The following PHF21A variants were observed in gnomAD, a reference collection of about 807,000 sequenced individuals.
PHF21A encodes the protein PHD finger protein 21A.
In PHF21A, 11 loss-of-function variants were observed where a neutral mutation model predicts 82.5. The observed-to-expected ratio is 0.13, with a 90% CI of 0.08 to 0.22. The LOEUF (loss-of-function observed/expected upper bound fraction) is 0.22, where lower values mean the gene tolerates loss of function less well. Ranked by LOEUF, PHF21A falls within the 10% of genes least tolerant of loss-of-function variation. PHF21A has a pLI of 1.00. For missense variants in PHF21A, 579 were observed against 837.8 expected (o/e 0.69, Z 3.81); for synonymous variants, 297 against 302.8 (o/e 0.98, Z 0.20).
intron 6 of PHF21A, among the ~76,000 whole-genome samples, chr11:46,054,828 AC>A (rs2096427519): frequency 6.6e-6 from 1 of 152,010 alleles, no homozygotes; most frequent in Admixed American, 6.6e-5. Context: ...TTGAAAGATT[AC>A]CTTTTCAGCT....
chr11:46,014,383 GCAC>G (rs2095472690), intron 6 of PHF21A, among the ~76,000 whole-genome samples: 1 of 152,146 alleles, frequency 6.6e-6, no homozygotes, highest in East Asian at 1.9e-4. Flanking sequence ...CAGTGTATAT[GCAC>G]CACATTTTCT....
intron 6 of PHF21A, among the ~76,000 whole-genome samples, chr11:46,059,614 G>A (rs1337856236): frequency 6.6e-6 from 1 of 151,882 alleles, no homozygotes; most frequent in Non-Finnish European, 1.5e-5. Flanking sequence ...GTGTAGAGGT[G>A]GGATGTTGCC....
At chr11:46,071,160 T>C (rs769046406) in intron 6 of PHF21A, among the ~76,000 whole-genome samples, 3 of 152,262 alleles carry the variant, frequency 2.0e-5, no homozygotes, top group Non-Finnish European at 2.9e-5. Flanking sequence ...TTCTTTTGGC[T>C]AATGAGATGT....
chr11:45,965,368 T>C lies in PHF21A; in HGVS notation c.943A>G (p.Arg315Gly), dbSNP rs1405049225. 1.9e-6 allele frequency: 3 copies of C among 1,613,986 alleles called. No individual in the cohort carries two copies. Among genetic ancestry groups the C allele is most frequent in the Non-Finnish European group, 2.5e-6 (3 of 1,180,000 alleles). The change falls in exon 10 of 19, where the codon AGA becomes GGA. Residue 315 changes from arginine (R) to glycine (G), a missense_variant. Physicochemically the swap from Arg to Gly is moderately radical, Grantham distance 125. Coordinates refer to ENST00000676320, the MANE Select transcript of PHF21A (RefSeq NM_001352027.3). Reference sequence around the variant, plus strand: ...TGTACAGTTTGAGGTCCAGCGAGTCTGGTCCCTGGAGTAGCTATCACAATG... The same window carrying C: ...TGTACAGTTTGAGGTCCAGCGAGTCCGGTCCCTGGAGTAGCTATCACAATG... ...TSIVIATPGT[R>G]LAGPQTVQLS...
At chr11:45,965,269 C>G (rs902321677) in intron 10 of PHF21A, 46 bp downstream of exon 10, 21 of 1,559,682 alleles carry the variant, frequency 1.3e-5, no homozygotes, top group Non-Finnish European at 1.7e-5. Flanking sequence ...CCATATGCCT[C>G]AACGACAAGG....
At chr11:46,011,281 G>C (rs2095409201) in intron 6 of PHF21A, among the ~76,000 whole-genome samples, 1 of 152,180 alleles carries the variant, frequency 6.6e-6, no homozygotes, top group African/African-American at 2.4e-5. Flanking sequence ...CTGAGGTCAG[G>C]AGTTCAAGGC....
intron 6 of PHF21A, among the ~76,000 whole-genome samples, chr11:46,051,811 G>C (rs1010578645): frequency 6.6e-6 from 1 of 152,158 alleles, no homozygotes; most frequent in Admixed American, 6.5e-5. Flanking sequence ...AAAGGTGATG[G>C]GGGTGGGGAA....
At chr11:46,048,719 A>C (rs1186438622) in intron 6 of PHF21A, among the ~76,000 whole-genome samples, 1 of 152,128 alleles carries the variant, frequency 6.6e-6, no homozygotes, top group Non-Finnish European at 1.5e-5. Context: ...GCAGGGAGTC[A>C]AGATGGCGCC....
At chr11:45,981,472 G>A (rs1267309452) in intron 6 of PHF21A, among the ~76,000 whole-genome samples, 1 of 151,500 alleles carries the variant, frequency 6.6e-6, no homozygotes, top group African/African-American at 2.4e-5. Flanking sequence ...GTAAAGTGGT[G>A]GGACCAAAGA....
intron 6 of PHF21A, among the ~76,000 whole-genome samples, chr11:46,033,009 A>C (rs1230093434): frequency 6.6e-6 from 1 of 152,160 alleles, no homozygotes; most frequent in Non-Finnish European, 1.5e-5. Flanking sequence ...CTTCTGCCCA[A>C]AAGGTAGTTA....
chr11:46,023,072 T>C (rs2095663082), intron 6 of PHF21A, among the ~76,000 whole-genome samples: 1 of 152,100 alleles, frequency 6.6e-6, no homozygotes, highest in East Asian at 1.9e-4. Context: ...TATTATAGTA[T>C]ATTTAGGCTA....
intron 6 of PHF21A, among the ~76,000 whole-genome samples, chr11:46,012,970 T>A (rs2137448303): frequency 6.6e-6 from 1 of 152,338 alleles, no homozygotes; most frequent in South Asian, 2.1e-4. Context: ...TCAGTCCCCC[T>A]TATCCTTGGG....
At chr11:46,006,380 A>G (rs188319010) in intron 6 of PHF21A, among the ~76,000 whole-genome samples, 4 of 152,368 alleles carry the variant, frequency 2.6e-5, no homozygotes, top group East Asian at 1.9e-4. Context: ...TCCAGAATTA[A>G]TAAGCACCTA....
chr11:46,007,601 C>T (rs1168623990), intron 6 of PHF21A, among the ~76,000 whole-genome samples: 1 of 152,170 alleles, frequency 6.6e-6, no homozygotes. Flanking sequence ...AGGTGTGAGC[C>T]ACCGTGCCCG....
At chr11:46,049,790 G>A (rs574438017) in intron 6 of PHF21A, among the ~76,000 whole-genome samples, 5 of 152,236 alleles carry the variant, frequency 3.3e-5, no homozygotes, top group East Asian at 1.9e-4. Flanking sequence ...TTAGAGTCAC[G>A]AATAGCAAAC....
intron 6 of PHF21A, among the ~76,000 whole-genome samples, chr11:46,040,125 T>A (rs1035283695): frequency 1.3e-5 from 2 of 152,236 alleles, no homozygotes; most frequent in Non-Finnish European, 1.5e-5. Flanking sequence ...GGTTACTAGA[T>A]GTGGTTTCTT....
intron 1 of PHF21A, among the ~76,000 whole-genome samples, chr11:46,106,092 A>G (rs771651902): frequency 7.2e-5 from 11 of 152,216 alleles, no homozygotes; most frequent in Admixed American, 5.2e-4. Context: ...AGCTCCCTCC[A>G]TTGACATCGT....
chr11:45,938,934 C>T (rs900216025), intron 15 of PHF21A, among the ~76,000 whole-genome samples: 5 of 151,970 alleles, frequency 3.3e-5, no homozygotes, highest in Non-Finnish European at 7.4e-5. Context: ...CCCAGGTTCA[C>T]GCCATTCTCC....
At chr11:46,026,058 T>C (rs1292912100) in intron 6 of PHF21A, among the ~76,000 whole-genome samples, 3 of 152,196 alleles carry the variant, frequency 2.0e-5, no homozygotes, top group African/African-American at 7.2e-5. Context: ...TGCCAAGTTA[T>C]CTAAATATAT....
Sources: gnomAD v4.1 joint callset for allele counts (sites outside exome capture counted in the v4.1 genomes callset) on GRCh38, gnomAD v4.1.1 for gene constraint, MANE v1.5 for transcripts, NCBI Gene and HGNC (gene_info 2026-07-23, HGNC 2026-07-21) for gene names.